HNRNPR: variants seen among roughly 807,000 people sequenced by gnomAD.
HNRNPR encodes heterogeneous nuclear ribonucleoprotein R.
A neutral mutation model predicts 70.3 loss-of-function variants in HNRNPR; 4 were observed. The observed-to-expected ratio is 0.06, with a 90% CI of 0.03 to 0.13. The LOEUF is 0.13. Ranked by LOEUF, HNRNPR falls within the 10% of genes least tolerant of loss-of-function variation. The pLI is 1.00. For missense variants in HNRNPR, 423 were observed against 788.5 expected (o/e 0.54, Z 5.55); for synonymous variants, 241 against 267.6 (o/e 0.90, Z 0.97).
Position 23,310,987 on chromosome 1 carries a change from C to T in HNRNPR, c.1369G>A (p.Gly457Arg), listed in dbSNP as rs1645311176. 3.1e-6 allele frequency: 5 copies of T among 1,613,984 alleles called. No homozygotes were observed. The highest frequency in any genetic ancestry group is 2.7e-5 in the African/African-American group (2 of 74,890). ...TAGTAATCTGGAGGGTAGCCATATCCACCTCTCCCCCCACCACGACCCCGA... is the reference window on the plus strand; with the variant it reads ...TAGTAATCTGGAGGGTAGCCATATCTACCTCTCCCCCCACCACGACCCCGA... Reference protein sequence around the residue: ...RGRGRGGGRGGYGYPPDYYGY... With the variant: ...RGRGRGGGRGRYGYPPDYYGY... Residue 457 changes from glycine (G) to arginine (R), a missense_variant, in exon 11 of 11, where the codon GGA (glycine) becomes AGA (arginine). This residue lies in a region of HNRNPR where 169 missense variants were observed against 195.6 expected (regional missense o/e 0.86). Transcript: ENST00000302271. The surrounding 1 kb of genome is among the most constrained non-coding windows in gnomAD (Gnocchi z 6.0).
chr1:23,312,864 C>G (rs189037497), intron 9 of HNRNPR, among the ~76,000 whole-genome samples: 1 of 151,624 alleles, frequency 6.6e-6, no homozygotes, highest in East Asian at 1.9e-4. Flanking sequence ...CTTGCTCCCA[C>G]CCCCCCAAGG....
rs145370230 is a variant in HNRNPR, at chr1:23,318,956, T to G, written c.812-268A>C. On this transcript the variant is annotated intron_variant, in intron 7 of 10. Transcript: ENST00000302271. The surrounding 1 kb of genome is among the most constrained non-coding windows in gnomAD (Gnocchi z 4.2). Reference sequence around the variant, plus strand: ...TGACATTTAACATGCTACAATGTTTTAGAGCGTTTGATATAACATGACTTT... The same window carrying G: ...TGACATTTAACATGCTACAATGTTTGAGAGCGTTTGATATAACATGACTTT... Among the ~76,000 whole-genome samples, 15 of 152,340 alleles carry G rather than the reference T, an allele frequency of 9.8e-5. No individual in the cohort carries two copies. Among genetic ancestry groups the G allele is most frequent in the Admixed American group, 3.9e-4 (6 of 15,304 alleles).
At position 23,305,252 on chromosome 1, in the gene HNRNPR, A is replaced by G. The variant is rs1248500215; in HGVS notation, c.*5202T>C. ...CTGCTTACCTTAAAACTTCCTAAGG[A>G]GCATGCTATTTAGTGCTAAGTTTTA... On this transcript the variant is annotated 3_prime_UTR_variant, in exon 11 of 11. Coordinates refer to ENST00000302271, the MANE Select transcript of HNRNPR (RefSeq NM_005826.5). The G allele has an allele frequency of 1.3e-5, 2 of 152,220 alleles. No homozygotes were observed. The highest frequency in any genetic ancestry group is 2.9e-5 in the Non-Finnish European group (2 of 68,020). 9.4% of individuals were successfully genotyped at this position (152,220 alleles called of 1,614,324 possible). A position where few individuals can be genotyped will look rare whatever the true frequency, so the allele number is the denominator to read the frequency against.
intron 6 of HNRNPR, among the ~76,000 whole-genome samples, chr1:23,322,172 T>C (rs1440207672): frequency 6.6e-6 from 1 of 152,134 alleles, no homozygotes; most frequent in Non-Finnish European, 1.5e-5. Flanking sequence ...CTTTCAAAAT[T>C]TTATAAAATT....
intron 2 of HNRNPR, 97 bp downstream of exon 2, chr1:23,340,755 A>G: frequency 9.9e-7 from 1 of 1,011,618 alleles, no homozygotes; most frequent in Non-Finnish European, 1.4e-6. Flanking sequence ...TACAGATCAG[A>G]AACAATAAGT....
At chr1:23,313,352 G>C (rs1178053472) in intron 9 of HNRNPR, among the ~76,000 whole-genome samples, 1 of 152,148 alleles carries the variant, frequency 6.6e-6, no homozygotes, top group East Asian at 1.9e-4. Flanking sequence ...ACTTGCCTAA[G>C]ATCACAAACT....
Position 23,315,007 on chromosome 1 carries a change from C to T in HNRNPR, c.1018-1305G>A, listed in dbSNP as rs578207646. On this transcript the variant is annotated intron_variant, in intron 8 of 10. Coordinates refer to ENST00000302271, the MANE Select transcript of HNRNPR (RefSeq NM_005826.5). ...AAAAAATGAAGAAGAGGGCTGGGCGCGGTGGCTCACGCCTGTAATCCCAGC... is the reference window on the plus strand; with the variant it reads ...AAAAAATGAAGAAGAGGGCTGGGCGTGGTGGCTCACGCCTGTAATCCCAGC... Among the ~76,000 whole-genome samples, 10 of 152,168 alleles carry T rather than the reference C, an allele frequency of 6.6e-5. No individual in the cohort carries two copies. The East Asian group carries it at 1.5e-3, about 24-fold the overall frequency.
In HNRNPR at chr1:23,310,472, A is replaced by G. The variant is rs757788976; in HGVS notation, c.1884T>C (p.Tyr628=). Residue 628 remains tyrosine (Y), a synonymous_variant, in exon 11 of 11, where the codon TAT becomes TAC. Coordinates refer to ENST00000302271, the MANE Select transcript of HNRNPR (RefSeq NM_005826.5). The surrounding 1 kb of genome is among the most constrained non-coding windows in gnomAD (Gnocchi z 6.0). ...NDNQEFYQDT[Y]GQQWK ...TACTTGTCTACTTCCACTGTTGCCCATAAGTATCCTGATAAAATTCCTGGT... is the reference window on the plus strand; with the variant it reads ...TACTTGTCTACTTCCACTGTTGCCCGTAAGTATCCTGATAAAATTCCTGGT... 126 of 1,605,398 alleles carry G rather than the reference A, an allele frequency of 7.8e-5. 1 individual carries two copies. In the South Asian group the frequency reaches 9.3e-4, roughly 12 times the overall value.
rs538968882 is a variant in HNRNPR at position 23,307,531 on chromosome 1, T to TA, written c.*2922dup. 3.3e-5 allele frequency: 5 copies of TA among 152,158 alleles called. No homozygotes were observed. The highest frequency in any genetic ancestry group is 6.5e-5 in the Admixed American group (1 of 15,274). The allele number at this position is 152,158 out of a possible 1,614,324, so 9.4% of individuals were successfully genotyped here. A position where few individuals can be genotyped will look rare whatever the true frequency, so the allele number is the denominator to read the frequency against. ...AAAAACAATTATGCTGAACTCATTT[T>TA]AAAAAAACTACAGAATCATAACTCA... On this transcript the variant is annotated 3_prime_UTR_variant, in exon 11 of 11. Transcript: ENST00000302271.
At chr1:23,315,083 CAGCCTGG>C (rs1645479278) in intron 8 of HNRNPR, among the ~76,000 whole-genome samples, 1 of 151,972 alleles carries the variant, frequency 6.6e-6, no homozygotes, top group South Asian at 2.1e-4. Flanking sequence ...AGTTCAAGAC[CAGCCTGG>C]CCAGCATGGT....
At chr1:23,334,860 A>T (rs11584129) in intron 4 of HNRNPR, among the ~76,000 whole-genome samples, 1 of 152,188 alleles carries the variant, frequency 6.6e-6, no homozygotes, top group South Asian at 2.1e-4. Flanking sequence ...AAGAAAAGAT[A>T]CAATGGTAAA....
chr1:23,337,493 T>C (rs1032464117), intron 4 of HNRNPR, among the ~76,000 whole-genome samples: 5 of 152,122 alleles, frequency 3.3e-5, no homozygotes, highest in East Asian at 1.9e-4. Context: ...CTATCTTTCC[T>C]AAAAATACAA....
chr1:23,338,135 C>T (rs763420741), intron 3 of HNRNPR: 8 of 341,856 alleles, frequency 2.3e-5, no homozygotes, highest in South Asian at 8.5e-5. Context: ...TGCCAGATGT[C>T]GGAAACTATT....
chr1:23,320,742 A>C (rs1008407539), intron 7 of HNRNPR, among the ~76,000 whole-genome samples: 2 of 152,234 alleles, frequency 1.3e-5, no homozygotes, highest in African/African-American at 4.8e-5. Flanking sequence ...AAGAAATATC[A>C]AAATAAATCA....
chr1:23,331,936 C>T (rs368853065), intron 5 of HNRNPR, among the ~76,000 whole-genome samples: 3 of 149,840 alleles, frequency 2.0e-5, no homozygotes, highest in South Asian at 2.2e-4. Context: ...GTTCATGACC[C>T]GCCTGGCCAA....
In HNRNPR at chr1:23,318,434, A is replaced by G; in HGVS notation, c.1017+49T>C. ...AAAATATTTGAGCTTTATTCTGAGT[A>G]CAAAATTTAAATGATGACCCTATGC... On this transcript the variant is annotated intron_variant, in intron 8 of 10. Transcript: ENST00000302271. The surrounding 1 kb of genome is among the most constrained non-coding windows in gnomAD (Gnocchi z 4.2). 1 of 1,442,580 alleles carries G rather than the reference A, an allele frequency of 6.9e-7. No homozygotes were observed. The highest frequency in any genetic ancestry group is 9.7e-7 in the Non-Finnish European group (1 of 1,029,204). The allele number at this position is 1,442,580 out of a possible 1,614,324, so 89.4% of individuals were successfully genotyped here.
chr1:23,339,342 A>G (rs943859762), intron 2 of HNRNPR, among the ~76,000 whole-genome samples: 2 of 152,258 alleles, frequency 1.3e-5, no homozygotes, highest in African/African-American at 4.8e-5. Context: ...GACTGTCAAG[A>G]ACGACAATCA....
At chr1:23,316,238 A>C (rs1645540122) in intron 8 of HNRNPR, among the ~76,000 whole-genome samples, 1 of 152,182 alleles carries the variant, frequency 6.6e-6, no homozygotes. Context: ...CCAGGAGTTC[A>C]AGGCTGCAGT....
At chr1:23,338,236 T>C (rs1646576548) in intron 3 of HNRNPR, 2 of 335,610 alleles carry the variant, frequency 6.0e-6, no homozygotes, top group Admixed American at 9.4e-5. Flanking sequence ...AAACCTATAG[T>C]AACAACCATC....
Sources: gnomAD v4.1 joint callset for allele counts (sites outside exome capture counted in the v4.1 genomes callset) on GRCh38, gnomAD v4.1.1 for gene constraint, gnomAD v4.1.1 regional missense constraint, Gnocchi (gnomAD v3.1) non-coding constraint, MANE v1.5 for transcripts, NCBI Gene and HGNC (gene_info 2026-07-23, HGNC 2026-07-21) for gene names.